MLLT10: variants seen among roughly 807,000 people sequenced by gnomAD.
MLLT10 encodes MLLT10 histone lysine methyltransferase DOT1L cofactor, also known as protein AF-10.
Under a neutral mutation model 129.1 loss-of-function variants are expected in MLLT10, and 30 were observed. That is an observed-to-expected ratio of 0.23 (90% CI 0.17 to 0.32). The LOEUF is 0.32. MLLT10 is among the 10% of genes least tolerant of loss of function. The pLI, the probability that MLLT10 is intolerant of heterozygous loss-of-function variation, is 1.00. For synonymous variants in MLLT10, 490 were observed against 446.4 expected (o/e 1.10, Z -1.23); for missense variants, 1,119 against 1,268.3 (o/e 0.88, Z 1.79).
At chr10:21,598,790 C>T (rs917210782) in intron 5 of MLLT10, among the ~76,000 whole-genome samples, 6 of 149,480 alleles carry the variant, frequency 4.0e-5, no homozygotes, top group African/African-American at 9.9e-5. Context: ...TGAGGCATGA[C>T]GAGAATCACT....
At chr10:21,569,433 T>TC (rs2039962295) in intron 3 of MLLT10, among the ~76,000 whole-genome samples, 3 of 152,066 alleles carry the variant, frequency 2.0e-5, no homozygotes, top group East Asian at 3.9e-4. Context: ...CAATTTTTTT[T>TC]TTTTTTTGTA....
In MLLT10 at chr10:21,702,939, T is replaced by C. The variant is rs953071646; in HGVS notation, c.1700-10833T>C. Among the ~76,000 whole-genome samples, 4 of 152,318 alleles carry C rather than the reference T, an allele frequency of 2.6e-5. No homozygotes were observed. In the East Asian group the frequency reaches 5.8e-4, roughly 22 times the overall value. On this transcript the variant is annotated intron_variant, in intron 13 of 22. Coordinates refer to ENST00000307729, the MANE Select transcript of MLLT10 (RefSeq NM_001195626.3). Reference sequence around the variant, plus strand: ...ATTACATTTAAGGTTATTATTGATATGTGAGGTTTTGTTTTTGTCCTATTG... The same window carrying C: ...ATTACATTTAAGGTTATTATTGATACGTGAGGTTTTGTTTTTGTCCTATTG...
chr10:21,644,837 C>T (rs1449805803), intron 8 of MLLT10, among the ~76,000 whole-genome samples: 1 of 151,990 alleles, frequency 6.6e-6, no homozygotes, highest in Non-Finnish European at 1.5e-5. Context: ...CATTGTGTTG[C>T]CCAGGCTGAT....
intron 2 of MLLT10, among the ~76,000 whole-genome samples, chr10:21,535,935 T>A (rs539866630): frequency 1.3e-5 from 2 of 152,292 alleles, no homozygotes; most frequent in South Asian, 4.1e-4. Flanking sequence ...CAGACTTTTA[T>A]TTTTTTACTT....
chr10:21,700,203 T>G (rs2054779693), intron 13 of MLLT10, among the ~76,000 whole-genome samples: 3 of 151,986 alleles, frequency 2.0e-5, no homozygotes, highest in Admixed American at 2.0e-4. Flanking sequence ...ACAGTACTGG[T>G]TTTTGTATGT....
chr10:21,730,153 G>A (rs940918119), intron 16 of MLLT10, among the ~76,000 whole-genome samples: 8 of 151,842 alleles, frequency 5.3e-5, no homozygotes, highest in South Asian at 2.1e-4. Flanking sequence ...AAAGCTGTGC[G>A]TGGTAGTGTG....
intron 8 of MLLT10, chr10:21,626,351 A>ATACTCTGAATGTAACCACAGGACAGAG: frequency 1.4e-6 from 1 of 729,104 alleles, no homozygotes; most frequent in Non-Finnish European, 2.3e-6. Context: ...GAAAATGACT[A>ATACTCTGAATGTAACCACAGGACAGAG]GAAATCTCGC....
intron 3 of MLLT10, among the ~76,000 whole-genome samples, chr10:21,552,899 TC>T (rs1377169771): frequency 3.9e-5 from 6 of 152,056 alleles, no homozygotes; most frequent in Non-Finnish European, 8.8e-5. Flanking sequence ...CCTTTTACTT[TC>T]CCTTGTCTTT....
At chr10:21,562,178 T>C (rs910578173) in intron 3 of MLLT10, among the ~76,000 whole-genome samples, 3 of 152,116 alleles carry the variant, frequency 2.0e-5, no homozygotes, top group African/African-American at 7.2e-5. Flanking sequence ...AATTTATTCT[T>C]CCTTTTCAAG....
At chr10:21,622,497 T>C (rs1215610940) in intron 8 of MLLT10, among the ~76,000 whole-genome samples, 1 of 152,122 alleles carries the variant, frequency 6.6e-6, no homozygotes, top group African/African-American at 2.4e-5. Context: ...ATTGAAAATT[T>C]GGTATATATT....
intron 8 of MLLT10, chr10:21,625,571 C>G: frequency 1.3e-6 from 1 of 764,088 alleles, no homozygotes; most frequent in Non-Finnish European, 2.4e-6. Flanking sequence ...TTTAAGGAAG[C>G]AGAACCCCCA....
At chr10:21,557,241 GTTA>G (rs2130982477) in intron 3 of MLLT10, 4 of 974,424 alleles carry the variant, frequency 4.1e-6, no homozygotes, top group Non-Finnish European at 5.2e-6. Flanking sequence ...TTATAACTCA[GTTA>G]TTATAAGTAA....
chr10:21,728,696 A>G (rs188670033), intron 16 of MLLT10, among the ~76,000 whole-genome samples: 2 of 152,172 alleles, frequency 1.3e-5, no homozygotes, highest in Admixed American at 1.3e-4. Flanking sequence ...AGCCCATTCT[A>G]GGGTCTTTCT....
At chr10:21,715,243 T>C (rs979959804) in intron 14 of MLLT10, among the ~76,000 whole-genome samples, 3 of 152,204 alleles carry the variant, frequency 2.0e-5, no homozygotes, top group East Asian at 1.9e-4. Flanking sequence ...GTGAGAGCAG[T>C]TGCTATTAAA....
intron 5 of MLLT10, among the ~76,000 whole-genome samples, chr10:21,604,407 C>A (rs955916958): frequency 2.0e-5 from 3 of 152,020 alleles, no homozygotes; most frequent in African/African-American, 7.2e-5. Flanking sequence ...CTGGCTAACA[C>A]AGTGAAACCC....
rs11012768 is a variant in MLLT10, at chr10:21,670,945, T to C, written c.1051+241T>C. ...TTCCAGAGTTGAATTGTAATTTTAA[T>C]GTTTAACTAGATATGGAATAATGCT... On this transcript the variant is annotated intron_variant, in intron 10 of 22. Transcript: ENST00000307729. 4.7e-5 allele frequency: 20 copies of C among 423,818 alleles called. No individual in the cohort carries two copies. In the East Asian group the frequency reaches 8.0e-4, roughly 17 times the overall value. The allele number at this position is 423,818 out of a possible 1,614,324, so 26.3% of individuals were successfully genotyped here.
At chr10:21,663,397 A>G (rs1316060298) in intron 9 of MLLT10, among the ~76,000 whole-genome samples, 1 of 147,394 alleles carries the variant, frequency 6.8e-6, no homozygotes, top group East Asian at 2.0e-4. Context: ...TTTTTTTGAG[A>G]CGGAGTTTCA....
chr10:21,638,257 T>TGGGGGGGGGGGGGG (rs1554827242), intron 8 of MLLT10, among the ~76,000 whole-genome samples: 1 of 80,532 alleles, frequency 1.2e-5, no homozygotes, highest in African/African-American at 5.5e-5. Context: ...TTCTTTTTGG[T>TGGGGGGGGGGGGGG]GGGGGGAGGG....
chr10:21,721,258 C>T (rs1170041628), intron 14 of MLLT10, among the ~76,000 whole-genome samples: 3 of 152,114 alleles, frequency 2.0e-5, no homozygotes, highest in Admixed American at 2.0e-4. Flanking sequence ...TATGAAGTTT[C>T]AGATCTATCT....
Sources: allele counts gnomAD v4.1 joint callset (sites outside exome capture counted in the v4.1 genomes callset), GRCh38; gene constraint gnomAD v4.1.1; transcripts MANE v1.5; gene names NCBI Gene and HGNC (gene_info 2026-07-23, HGNC 2026-07-21).